Variants in GPR20 observed in about 807,000 individuals in gnomAD.
The protein encoded by GPR20 is CTD-3064M3.3.
For synonymous variants in GPR20, 241 were observed against 241.9 expected, an observed-to-expected ratio of 1.00 and a Z score of 0.04; for missense variants, 494 against 527.4, an observed-to-expected ratio of 0.94 and a Z score of 0.62.
At chr8:141,365,662 C>T (rs773857695) in intron 1 of GPR20, among the ~76,000 whole-genome samples, 4 of 152,288 alleles carry the variant, frequency 2.6e-5, no homozygotes, top group South Asian at 2.1e-4. Flanking sequence ...AGAGCGCTCC[C>T]GGCAGCAGGA....
rs544797372 is a variant in GPR20, at chr8:141,359,103, T to C, written c.-24-1156A>G. Among the ~76,000 whole-genome samples the C allele has an allele frequency of 7.0e-5, 8 of 114,728 alleles. No individual in the cohort carries two copies. In the East Asian group the frequency reaches 1.5e-3, roughly 22 times the overall value. 75.3% of individuals were successfully genotyped at this position (114,728 alleles called of 152,430 possible). The stretch of plus-strand genomic sequence containing the variant: ...CTTTTTCAGGAGAAAGGAGAAGTCT[T>C]TGGGGCCAGCAGGGTGGGGAGGCTC... On this transcript the variant is annotated intron_variant, in intron 1 of 1. Transcript: ENST00000377741.
chr8:141,361,786 G>T (rs912414030), intron 1 of GPR20, among the ~76,000 whole-genome samples: 1 of 151,622 alleles, frequency 6.6e-6, no homozygotes, highest in South Asian at 2.1e-4. Context: ...CAGGTGTGGC[G>T]GGGCAGGGGC....
rs201448608 is a variant in GPR20, at chr8:141,357,095, C to G, written c.829G>C (p.Val277Leu). 9 of 1,612,350 alleles carry G rather than the reference C, an allele frequency of 5.6e-6. No individual in the cohort carries two copies. The highest frequency in any genetic ancestry group is 3.3e-5 in the Admixed American group (2 of 59,996). Residue 277 changes from valine to leucine, a missense_variant, in exon 2 of 2, where the codon GTG (valine) becomes CTG (leucine). Coordinates refer to ENST00000377741, the MANE Select transcript of GPR20 (RefSeq NM_005293.3). ...AGGGTCACGGCCACGTGGTAGACCA[C>G]GAGGCTCGTGTGGTGTGGCATGTCG... The part of the protein sequence containing the change: ...WPDMPHHTSL[V>L]VYHVAVTLSS...
chr8:141,357,822 C>G lies in GPR20; in HGVS notation c.102G>C (p.Leu34=). 2.5e-6 allele frequency: 4 copies of G among 1,613,304 alleles called. No individual in the cohort carries two copies. The South Asian group carries it at 3.3e-5, about 13-fold the overall frequency. Residue 34 remains leucine (L), a synonymous_variant, in exon 2 of 2, where the codon CTG becomes CTC. Transcript: ENST00000377741. ...RTNASGLEVP[L]FHLFARLDEE... ...CGTCCAGCCGGGCAAACAGGTGGAA[C>G]AGGGGCACCTCCAGCCCGCTGGCAT... is the stretch of plus-strand genomic sequence containing the variant.
At position 141,356,941 on chromosome 8, in the gene GPR20, A is replaced by G. The variant is rs762004905; in HGVS notation, c.983T>C (p.Met328Thr). Residue 328 changes from methionine to threonine, a missense_variant, in exon 2 of 2, where the codon ATG (methionine) becomes ACG (threonine). Physicochemically the swap from Met to Thr is moderately conservative, Grantham distance 81 (BLOSUM62 -1). Coordinates refer to ENST00000377741, the MANE Select transcript of GPR20 (RefSeq NM_005293.3). ...GCCTGAGCCCTTGGAGCTCCTGTGCATGCTGACCACGTCACCGCTGCTGGG... is the reference window on the plus strand; with the variant it reads ...GCCTGAGCCCTTGGAGCTCCTGTGCGTGCTGACCACGTCACCGCTGCTGGG... ...REPSSGDVVS[M>T]HRSSKGSGRH... The G allele has an allele frequency of 3.1e-6, 5 of 1,612,840 alleles. No homozygotes were observed. The highest frequency in any genetic ancestry group is 3.3e-5 in the Admixed American group (2 of 60,008).
rs777203820 is a variant in GPR20 at position 141,356,858 on chromosome 8, G to A, written c.1066C>T (p.Pro356Ser). Residue 356 changes from proline to serine, a missense_variant, in exon 2 of 2, where the codon CCC (proline) becomes TCC (serine). Physicochemically the swap from Pro to Ser is moderately conservative, Grantham distance 74. Coordinates refer to ENST00000377741, the MANE Select transcript of GPR20 (RefSeq NM_005293.3). Reference sequence around the variant, plus strand: ...CAGAGCCCTGCTGACTAAGCCTCGGGCCCATTAGCCAGGGCCTGGGTGAGG... The same window carrying A: ...CAGAGCCCTGCTGACTAAGCCTCGGACCCATTAGCCAGGGCCTGGGTGAGG... ...HALTQALANG[P>S]EA The A allele has an allele frequency of 3.8e-6, 6 of 1,594,526 alleles. No individual in the cohort carries two copies. The highest frequency in any genetic ancestry group is 3.4e-5 in the Admixed American group (2 of 59,236).
chr8:141,357,052 C>T lies in GPR20; in HGVS notation c.872G>A (p.Cys291Tyr). The T allele has an allele frequency of 1.2e-6, 2 of 1,612,790 alleles. No individual in the cohort carries two copies. The highest frequency in any genetic ancestry group is 1.7e-6 in the Non-Finnish European group (2 of 1,179,652). ...GAAGCAGTAGACGATGGGGTCCATG[C>T]AGCTGTTGAGGCTGCTGAGGGTCAC... ...VAVTLSSLNS[C>Y]MDPIVYCFVT... The change falls in exon 2 of 2, where the codon TGC becomes TAC. Residue 291 changes from cysteine to tyrosine, a missense_variant. By Grantham distance (194) the Cys-to-Tyr change is radical (BLOSUM62 -2). Coordinates refer to ENST00000377741, the MANE Select transcript of GPR20 (RefSeq NM_005293.3).
intron 1 of GPR20, among the ~76,000 whole-genome samples, chr8:141,363,708 A>G (rs1164386238): frequency 2.6e-5 from 4 of 152,202 alleles, no homozygotes; most frequent in Non-Finnish European, 5.9e-5. Context: ...GGGGAGGGCT[A>G]TGTCCTCTCT....
chr8:141,363,264 C>T (rs920355740), intron 1 of GPR20, among the ~76,000 whole-genome samples: 3 of 152,232 alleles, frequency 2.0e-5, no homozygotes, highest in Admixed American at 6.5e-5. Flanking sequence ...ACATGGGAGG[C>T]GTGCGATATA....
chr8:141,367,067 G>A (rs7017376), intron 1 of GPR20, 134 bp downstream of exon 1: 33,890 of 152,204 alleles, frequency 0.22, 4,699 homozygotes, highest in East Asian at 0.44. Context: ...CGGATCTGGA[G>A]GCAGTTTCTC....
chr8:141,358,610 C>T (rs939152596), intron 1 of GPR20, among the ~76,000 whole-genome samples: 1 of 152,208 alleles, frequency 6.6e-6, no homozygotes, highest in African/African-American at 2.4e-5. Context: ...CGGGACCACC[C>T]ATCTGTTCTC....
In GPR20 at chr8:141,357,211, C is replaced by T. The variant is rs1165866327; in HGVS notation, c.713G>A (p.Arg238Gln). ...LLHQGRQRRV[R>Q]AMQLLLTVLI... ...CACCGTGAGCAGGAGCTGCATGGCC[C>T]GCACGCGGCGCTGGCGACCCTGGTG... The change falls in exon 2 of 2, where the codon CGG (arginine) becomes CAG (glutamine). Residue 238 changes from arginine (R) to glutamine (Q), a missense_variant. By Grantham distance (43) the Arg-to-Gln change is conservative. Transcript: ENST00000377741. The T allele has an allele frequency of 3.8e-6, 6 of 1,569,120 alleles. No homozygotes were observed. The highest frequency in any genetic ancestry group is 2.3e-5 in the South Asian group (2 of 87,404).
chr8:141,362,347 C>T (rs1831746777), intron 1 of GPR20, among the ~76,000 whole-genome samples: 1 of 152,132 alleles, frequency 6.6e-6, no homozygotes, highest in African/African-American at 2.4e-5. Context: ...CACGGCGCTG[C>T]TATGTGCTGC....
intron 1 of GPR20, among the ~76,000 whole-genome samples, chr8:141,358,253 C>T (rs1176769242): frequency 2.6e-5 from 4 of 152,178 alleles, no homozygotes; most frequent in South Asian, 2.1e-4. Context: ...GAGGGGGAGG[C>T]GGAAACACGT....
intron 1 of GPR20, 77 bp from the exon 2 acceptor site, chr8:141,358,024 G>T (rs1831678783): frequency 4.2e-6 from 3 of 711,052 alleles, no homozygotes; most frequent in Non-Finnish European, 4.6e-6. Flanking sequence ...AACTCAGCTG[G>T]CCCGTCTGCC....
Position 141,357,898 on chromosome 8 carries a change from G to T in GPR20, c.26C>A (p.Pro9His). Residue 9 changes from proline (P) to histidine (H), a missense_variant, in exon 2 of 2, where the codon CCC (proline) becomes CAC (histidine). Physicochemically the swap from Pro to His is moderately conservative, Grantham distance 77 (BLOSUM62 -2). Transcript: ENST00000377741. ...GGCATTGGGGACTGCCCCGGCCGAGGGCCCCGCTGGAGACACAGAGGGCAT... is the reference window on the plus strand; with the variant it reads ...GGCATTGGGGACTGCCCCGGCCGAGTGCCCCGCTGGAGACACAGAGGGCAT... MPSVSPAGPSAGAVPNATA... is the reference protein window; with the variant it reads MPSVSPAGHSAGAVPNATA... 1.3e-6 allele frequency: 2 copies of T among 1,576,770 alleles called. No individual in the cohort carries two copies. The highest frequency in any genetic ancestry group is 2.3e-5 in the South Asian group (2 of 87,406).
At position 141,360,989 on chromosome 8, in the gene GPR20, C is replaced by T. The variant is rs1001492976; in HGVS notation, c.-24-3042G>A. On this transcript the variant is annotated intron_variant, in intron 1 of 1. Coordinates refer to ENST00000377741, the MANE Select transcript of GPR20 (RefSeq NM_005293.3). ...AGGGCCCTGTCCCCAAGCCTAGTTT[C>T]CCTAAGCCAAACCTGGGTGTGGGGG... Among the ~76,000 whole-genome samples the T allele has an allele frequency of 5.9e-5, 9 of 152,216 alleles. No homozygotes were observed. The South Asian group carries it at 1.7e-3, about 28-fold the overall frequency.
intron 1 of GPR20, among the ~76,000 whole-genome samples, chr8:141,362,277 G>T (rs928821367): frequency 1.3e-5 from 2 of 152,296 alleles, no homozygotes; most frequent in East Asian, 3.9e-4. Flanking sequence ...TCCCTGGGCT[G>T]CCTCTCTCTG....
At position 141,357,453 on chromosome 8, in the gene GPR20, G is replaced by C; in HGVS notation, c.471C>G (p.Gly157=). 1 of 1,607,052 alleles carries C rather than the reference G, an allele frequency of 6.2e-7. No homozygotes were observed. The highest frequency in any genetic ancestry group is 1.7e-4 in the Middle Eastern group (1 of 6,040). Residue 157 remains glycine (G), a synonymous_variant, in exon 2 of 2, where the codon GGC becomes GGG. Transcript: ENST00000377741. ...DRYLAIVRPE[G]SRRCRQPACA... is the part of the protein sequence containing the mutation. ...AGGCAGGCTGGCGGCAGCGGCGGGA[G>C]CCTTCGGGCCGCACGATGGCCAGGT...
Sources: allele counts gnomAD v4.1 joint callset (sites outside exome capture counted in the v4.1 genomes callset), GRCh38; gene constraint gnomAD v4.1.1; transcripts MANE v1.5; gene names NCBI Gene and HGNC (gene_info 2026-07-23, HGNC 2026-07-21).